The following CFH variants were observed in gnomAD, a reference collection of about 807,000 sequenced individuals.
CFH encodes the protein complement factor H.
In CFH, 53 loss-of-function variants were observed where a neutral mutation model predicts 147.3. That is an observed-to-expected ratio of 0.36 (90% confidence interval 0.29 to 0.45). The LOEUF is 0.45. Among genes scored for constraint, CFH ranks in the 20% least tolerant of loss-of-function variants. The pLI, the probability that CFH is intolerant of heterozygous loss-of-function variation, is 1.00. For missense variants in CFH, 1,380 were observed against 1,498.0 expected, an observed-to-expected ratio of 0.92 and a Z score of 1.30; for synonymous variants, 536 against 489.4, an observed-to-expected ratio of 1.10 and a Z score of -1.26.
At chr1:196,705,103 T>C (rs773312288) in intron 9 of CFH, among the ~76,000 whole-genome samples, 4 of 152,148 alleles carry the variant, frequency 2.6e-5, no homozygotes, top group Non-Finnish European at 4.4e-5. Flanking sequence ...TTTTGGGACC[T>C]CCAATTGAAA....
intron 19 of CFH, among the ~76,000 whole-genome samples, chr1:196,742,768 A>G (rs1652854296): frequency 2.0e-5 from 3 of 152,204 alleles, no homozygotes; most frequent in Non-Finnish European, 4.4e-5. Context: ...GCTATAGTCT[A>G]TTCACTACAC....
Position 196,746,007 on chromosome 1 carries a change from C to G in CFH, c.3493+8C>G, listed in dbSNP as rs746304542. 4 of 1,614,008 alleles carry G rather than the reference C, an allele frequency of 2.5e-6. No homozygotes were observed. The highest frequency in any genetic ancestry group is 1.7e-5 in the Admixed American group (1 of 60,008). ...AACCACCAAAATGCTTACGTAAGTA[C>G]TTTAATATTCACGTGGCTGGAAAAA... On this transcript the variant is annotated splice_region_variant and intron_variant, in intron 21 of 21. Coordinates refer to ENST00000367429, the MANE Select transcript of CFH (RefSeq NM_000186.4).
At position 196,679,718 on chromosome 1, in the gene CFH, A is replaced by G; in HGVS notation, c.715A>G (p.Met239Val). The change falls in exon 6 of 22, where the codon ATG becomes GTG. Residue 239 changes from methionine (M) to valine (V), a missense_variant. Physicochemically the swap from Met to Val is conservative, Grantham distance 21. Coordinates refer to ENST00000367429, the MANE Select transcript of CFH (RefSeq NM_000186.4). Reference protein sequence around the residue: ...ENERFQYKCNMGYEYSERGDA... With the variant: ...ENERFQYKCNVGYEYSERGDA... ...TGAACGATTTCAATATAAATGTAAC[A>G]TGGGTTATGAATACAGTGAAAGAGG... 6.2e-7 allele frequency: 1 copy of G among 1,611,604 alleles called. No individual in the cohort carries two copies. The highest frequency in any genetic ancestry group is 8.5e-7 in the Non-Finnish European group (1 of 1,178,352).
intron 15 of CFH, 122 bp from the exon 16 acceptor site, chr1:196,736,702 A>C: frequency 2.6e-6 from 1 of 379,606 alleles, no homozygotes; most frequent in Non-Finnish European, 4.0e-6. Context: ...TGAAACAGTT[A>C]TTGATCTTTC....
chr1:196,731,660 C>T (rs1328828581), intron 15 of CFH, among the ~76,000 whole-genome samples: 2 of 151,962 alleles, frequency 1.3e-5, no homozygotes, highest in Non-Finnish European at 2.9e-5. Context: ...CTCCCTTTAA[C>T]ATTTCTTGTA....
At chr1:196,728,277 C>A (rs1669194995) in intron 14 of CFH, 69 bp from the exon 15 acceptor site, 1 of 1,081,150 alleles carries the variant, frequency 9.2e-7, no homozygotes, top group East Asian at 2.7e-5. Flanking sequence ...TACTTTATAA[C>A]TATTTTTATG....
intron 19 of CFH, among the ~76,000 whole-genome samples, chr1:196,743,059 C>G (rs373218505): frequency 3.5e-4 from 54 of 152,154 alleles, no homozygotes; most frequent in African/African-American, 1.3e-3. Context: ...AAACAAAAAT[C>G]TGGTATCACA....
At chr1:196,705,321 T>C (rs566379381) in intron 9 of CFH, among the ~76,000 whole-genome samples, 1 of 152,286 alleles carries the variant, frequency 6.6e-6, no homozygotes, top group South Asian at 2.1e-4. Flanking sequence ...GCTTTCGGAC[T>C]GGAGAGAAGC....
intron 9 of CFH, among the ~76,000 whole-genome samples, chr1:196,710,553 T>G (rs1486051185): frequency 2.6e-5 from 4 of 152,158 alleles, no homozygotes; most frequent in Admixed American, 2.6e-4. Context: ...TTTCAACTTC[T>G]CTTATCTTTT....
intron 13 of CFH, 50 bp downstream of exon 13, chr1:196,726,702 G>C: frequency 6.2e-7 from 1 of 1,605,190 alleles, no homozygotes; most frequent in Middle Eastern, 1.7e-4. Context: ...TTTGTATTTT[G>C]TATCTAAAAC....
intron 17 of CFH, among the ~76,000 whole-genome samples, chr1:196,739,172 C>T (rs1413105290): frequency 2.0e-5 from 3 of 152,194 alleles, no homozygotes; most frequent in African/African-American, 7.2e-5. Flanking sequence ...ATTTTTCCCT[C>T]CTGGGCTTCT....
Position 196,674,013 on chromosome 1 carries a change from C to A in CFH, c.350+51C>A, listed in dbSNP as rs752946040. The stretch of plus-strand genomic sequence containing the variant: ...TTATAATTAAGATAGTAAATAGGAA[C>A]TCTACTACTTTATATATTTTTAAGG... On this transcript the variant is annotated intron_variant, in intron 3 of 21. Transcript: ENST00000367429. 7 of 1,196,406 alleles carry A rather than the reference C, an allele frequency of 5.9e-6. No individual in the cohort carries two copies. In the Admixed American group the frequency reaches 8.5e-5, roughly 15 times the overall value. The allele number at this position is 1,196,406 out of a possible 1,614,324, so 74.1% of individuals were successfully genotyped here.
intron 15 of CFH, among the ~76,000 whole-genome samples, chr1:196,729,691 A>G (rs1416672635): frequency 1.3e-5 from 2 of 151,828 alleles, no homozygotes; most frequent in East Asian, 3.9e-4. Context: ...AAATGTTGTT[A>G]TAATTCAGCA....
At chr1:196,662,994 G>A (rs1307498982) in intron 1 of CFH, among the ~76,000 whole-genome samples, 1 of 152,074 alleles carries the variant, frequency 6.6e-6, no homozygotes, top group Non-Finnish European at 1.5e-5. Context: ...TTAATACCTG[G>A]TGGCGTCTGC....
At chr1:196,741,042 T>C in intron 18 of CFH, 1 of 483,826 alleles carries the variant, frequency 2.1e-6, no homozygotes, top group East Asian at 3.9e-5. Context: ...TTCTCATCTC[T>C]GTTCTTAGGG....
At chr1:196,662,806 A>C (rs1572998687) in intron 1 of CFH, among the ~76,000 whole-genome samples, 1 of 152,036 alleles carries the variant, frequency 6.6e-6, no homozygotes, top group African/African-American at 2.4e-5. Flanking sequence ...ACTTGAGCCC[A>C]GGGGGTCAGG....
chr1:196,711,039 C>A (rs1184734170), intron 9 of CFH, among the ~76,000 whole-genome samples: 1 of 151,850 alleles, frequency 6.6e-6, no homozygotes, highest in African/African-American at 2.4e-5. Flanking sequence ...ATAATGATGT[C>A]ATTTCTGTCA....
chr1:196,745,196 G>A (rs1652959020), intron 20 of CFH, among the ~76,000 whole-genome samples: 1 of 151,920 alleles, frequency 6.6e-6, no homozygotes, highest in Non-Finnish European at 1.5e-5. Context: ...TTAAATATAA[G>A]TTTATACCTT....
At chr1:196,717,100 G>GA (rs765420692) in intron 11 of CFH, among the ~76,000 whole-genome samples, 5 of 151,948 alleles carry the variant, frequency 3.3e-5, no homozygotes, top group Admixed American at 2.0e-4. Flanking sequence ...AGAAACAGGA[G>GA]AAAAAATCTA....
Sources: gnomAD v4.1 joint callset for allele counts (sites outside exome capture counted in the v4.1 genomes callset) on GRCh38, gnomAD v4.1.1 for gene constraint, MANE v1.5 for transcripts, NCBI Gene and HGNC (gene_info 2026-07-23, HGNC 2026-07-21) for gene names.